LRP1: variants seen among roughly 807,000 people sequenced by gnomAD.
The protein encoded by LRP1 is LDL receptor related protein 1, also known as prolow-density lipoprotein receptor-related protein 1.
Under a neutral mutation model 541.5 loss-of-function variants are expected in LRP1, and 51 were observed. That is an observed-to-expected ratio of 0.09 (90% CI 0.08 to 0.12). The LOEUF (loss-of-function observed/expected upper bound fraction) is 0.12, where lower values mean the gene tolerates loss of function less well. LRP1 is among the 10% of genes least tolerant of loss of function. The probability of loss-of-function intolerance (pLI) is 1.00; values close to 1 mark genes in which losing one functional copy is unlikely to be tolerated. For synonymous variants in LRP1, 2,219 were observed against 2,470.8 expected, an observed-to-expected ratio of 0.90 and a Z score of 3.02; for missense variants, 3,878 against 6,376.2, an observed-to-expected ratio of 0.61 and a Z score of 13.34.
intron 1 of LRP1, among the ~76,000 whole-genome samples, chr12:57,136,397 C>CA (rs1052109209): frequency 3.0e-5 from 3 of 99,148 alleles, no homozygotes; most frequent in Admixed American, 9.2e-5. Context: ...TCCTAAGAGC[C>CA]CCCCCCCCCC....
Position 57,185,207 on chromosome 12 carries a change from T to TGA in LRP1, c.6463+4_6463+5dup, listed in dbSNP as rs1257157640. Reference sequence around the variant, plus strand: ...TCTTCAACCGGGACCGGCAGAAAGGTGAGGCTGGGGCTCTGGGCTGGGGTG... The same window carrying TGA: ...TCTTCAACCGGGACCGGCAGAAAGGTGAGAGGCTGGGGCTCTGGGCTGGGGTG... On this transcript the variant is annotated splice_region_variant and intron_variant, in intron 40 of 88. Coordinates refer to ENST00000243077, the MANE Select transcript of LRP1 (RefSeq NM_002332.3). The surrounding 1 kb of genome is among the most constrained non-coding windows in gnomAD (Gnocchi z 4.9). 2.5e-6 allele frequency: 4 copies of TGA among 1,613,742 alleles called. No individual in the cohort carries two copies. Among genetic ancestry groups the TGA allele is most frequent in the Middle Eastern group, 1.6e-4 (1 of 6,062 alleles).
In LRP1 at chr12:57,184,253, T is replaced by C. The variant is rs201830166; in HGVS notation, c.6059+39T>C. ...AAGACTGGCCTTGTCATTCTGCCCA[T>C]GGCCCATGCTGATGAGGCCCTGTCT... On this transcript the variant is annotated intron_variant, in intron 37 of 88. Transcript: ENST00000243077. The surrounding 1 kb of genome is among the most constrained non-coding windows in gnomAD (Gnocchi z 7.8). The C allele has an allele frequency of 8.8e-5, 142 of 1,613,662 alleles. No homozygotes were observed. The African/African-American group carries it at 1.8e-3, about 21-fold the overall frequency.
chr12:57,198,773 G>A (rs1178747258), intron 60 of LRP1, 103 bp downstream of exon 60: 1 of 1,203,408 alleles, frequency 8.3e-7, no homozygotes, highest in Admixed American at 2.0e-5. Flanking sequence ...GACATAAAAA[G>A]CGGAGGATAT....
rs770745934 is a variant in LRP1 at position 57,165,985 on chromosome 12, C to T, written c.2671+40C>T. On this transcript the variant is annotated intron_variant, in intron 16 of 88. Coordinates refer to ENST00000243077, the MANE Select transcript of LRP1 (RefSeq NM_002332.3). The surrounding 1 kb of genome is among the most constrained non-coding windows in gnomAD (Gnocchi z 4.5). ...CTGCCCCACCCTGTTGGATGGCAGG[C>T]CTGCAGGGCAGCTCGGCTCTGGCAG... The T allele has an allele frequency of 6.2e-7, 1 of 1,612,312 alleles. No homozygotes were observed. Among genetic ancestry groups the T allele is most frequent in the South Asian group, 1.1e-5 (1 of 91,054 alleles).
In LRP1 at chr12:57,185,952, C is replaced by T. The variant is rs147877951; in HGVS notation, c.6841+44C>T. 57 of 1,577,994 alleles carry T rather than the reference C, an allele frequency of 3.6e-5. No individual in the cohort carries two copies. The highest frequency in any genetic ancestry group is 2.7e-4 in the South Asian group (23 of 84,398). On this transcript the variant is annotated intron_variant, in intron 41 of 88. Transcript: ENST00000243077. The surrounding 1 kb of genome is among the most constrained non-coding windows in gnomAD (Gnocchi z 4.9). ...TCTTCCCAGGAAGTGGGACATGGGG[C>T]GGGGAGCAGCACAGACTCTTAGACC...
chr12:57,197,801 C>A lies in LRP1; in HGVS notation c.9282+137C>A. On this transcript the variant is annotated intron_variant, in intron 58 of 88. Transcript: ENST00000243077. This position sits in a 1 kb window ranked among gnomAD's most constrained non-coding sequence, Gnocchi z 4.5. ...GTCACTATATGACTGCTTGTTCTAG[C>A]TGCTCACTCTCCTCTGGGCCCAGAC... 1.0e-6 allele frequency: 1 copy of A among 997,758 alleles called. No homozygotes were observed. The highest frequency in any genetic ancestry group is 1.4e-6 in the Non-Finnish European group (1 of 691,700). The allele number at this position is 997,758 out of a possible 1,614,324, so 61.8% of individuals were successfully genotyped here.
chr12:57,196,060 T>C, intron 54 of LRP1, 27 bp from the exon 55 acceptor site: 1 of 1,610,332 alleles, frequency 6.2e-7, no homozygotes. Flanking sequence ...GAGACCCCGC[T>C]GACCTGCCGC....
chr12:57,146,892 C>T (rs2035420156), intron 6 of LRP1, among the ~76,000 whole-genome samples: 1 of 152,138 alleles, frequency 6.6e-6, no homozygotes, highest in African/African-American at 2.4e-5. Context: ...GTCCACTGAC[C>T]TACTCAACAG....
At chr12:57,170,503 A>T (rs1228504909) in intron 20 of LRP1, among the ~76,000 whole-genome samples, 2 of 151,890 alleles carry the variant, frequency 1.3e-5, no homozygotes, top group Non-Finnish European at 2.9e-5. Flanking sequence ...ACATAGGGAG[A>T]ACCCATCTTG....
At chr12:57,138,705 G>C in intron 2 of LRP1, 124 bp downstream of exon 2, 2 of 1,349,482 alleles carry the variant, frequency 1.5e-6, no homozygotes, top group South Asian at 2.8e-5. Context: ...GATTGTATTT[G>C]TCCATGACAC....
At position 57,200,690 on chromosome 12, in the gene LRP1, C is replaced by T. The variant is rs1322381988; in HGVS notation, c.10109-9C>T. The T allele has an allele frequency of 1.9e-6, 3 of 1,611,446 alleles. No individual in the cohort carries two copies. The highest frequency in any genetic ancestry group is 4.5e-5 in the East Asian group (2 of 44,878). On this transcript the variant is annotated splice_polypyrimidine_tract_variant and intron_variant, in intron 63 of 88. Coordinates refer to ENST00000243077, the MANE Select transcript of LRP1 (RefSeq NM_002332.3). The stretch of plus-strand genomic sequence containing the variant: ...AGCCGCTCTGACTCTGAGCCTCCCT[C>T]TCTGGCAGCTGAGTTCAAGTGCCGG...
intron 41 of LRP1, 113 bp from the exon 42 acceptor site, chr12:57,187,154 C>T: frequency 9.1e-7 from 1 of 1,094,682 alleles, no homozygotes; most frequent in East Asian, 2.6e-5. Context: ...CTCCCATACC[C>T]CACACTTCGC....
rs571661266 is a variant in LRP1 at position 57,184,894 on chromosome 12, T to C, written c.6242T>C (p.Leu2081Pro). 17 of 1,614,166 alleles carry C rather than the reference T, an allele frequency of 1.1e-5. No individual in the cohort carries two copies. The highest frequency in any genetic ancestry group is 1.6e-4 in the Middle Eastern group (1 of 6,062). ...ARTDKIERIDLETGENREVVL... is the reference protein window; with the variant it reads ...ARTDKIERIDPETGENREVVL... ...ACAGACAAGATTGAACGGATCGACC[T>C]GGAGACAGGTGAGAACCGCGAGGTG... Residue 2081 changes from leucine to proline, a missense_variant, in exon 39 of 89, where the codon CTG becomes CCG. By Grantham distance (98) the Leu-to-Pro change is moderately conservative (BLOSUM62 -3). Coordinates refer to ENST00000243077, the MANE Select transcript of LRP1 (RefSeq NM_002332.3). The surrounding 1 kb of genome is among the most constrained non-coding windows in gnomAD (Gnocchi z 7.8).
In LRP1 at chr12:57,156,310, A is replaced by G; in HGVS notation, c.1417+27A>G. ...TGAGCAGGGCTCCATGGCCCCTCCA[A>G]AGCTGGCTTTACCCCATGATGGCTC... On this transcript the variant is annotated intron_variant, in intron 9 of 88. Transcript: ENST00000243077. This position sits in a 1 kb window ranked among gnomAD's most constrained non-coding sequence, Gnocchi z 5.2. The G allele has an allele frequency of 6.2e-7, 1 of 1,610,614 alleles. No homozygotes were observed. Among genetic ancestry groups the G allele is most frequent in the Non-Finnish European group, 8.5e-7 (1 of 1,178,270 alleles).
intron 22 of LRP1, among the ~76,000 whole-genome samples, chr12:57,174,183 G>A (rs1466244819): frequency 6.6e-6 from 1 of 152,220 alleles, no homozygotes; most frequent in African/African-American, 2.4e-5. Context: ...CATTAGAGCA[G>A]TTTATCCACA....
chr12:57,191,310 G>T lies in LRP1; in HGVS notation c.7237-10G>T, dbSNP rs753396039. 23 of 1,587,250 alleles carry T rather than the reference G, an allele frequency of 1.4e-5. No homozygotes were observed. Among genetic ancestry groups the T allele is most frequent in the Non-Finnish European group, 2.0e-5 (23 of 1,160,840 alleles). Reference sequence around the variant, plus strand: ...GCGATGCTGTGACGGTGATGGTGCTGTCTCCACAGGTGATCCTAAAGTCAG... The same window carrying T: ...GCGATGCTGTGACGGTGATGGTGCTTTCTCCACAGGTGATCCTAAAGTCAG... On this transcript the variant is annotated splice_polypyrimidine_tract_variant and intron_variant, in intron 43 of 88. Transcript: ENST00000243077.
Position 57,173,728 on chromosome 12 carries a change from G to A in LRP1, c.3347-52G>A. ...CCCACAGGGTCTGGAAGGAAGGGCAGGGGGAGCCCCAGTCCCCGGGCCTGG... is the reference window on the plus strand; with the variant it reads ...CCCACAGGGTCTGGAAGGAAGGGCAAGGGGAGCCCCAGTCCCCGGGCCTGG... On this transcript the variant is annotated intron_variant, in intron 21 of 88. Transcript: ENST00000243077. This position sits in a 1 kb window ranked among gnomAD's most constrained non-coding sequence, Gnocchi z 4.7. 5 of 1,585,086 alleles carry A rather than the reference G, an allele frequency of 3.2e-6. No homozygotes were observed. In the South Asian group the frequency reaches 5.5e-5, roughly 18 times the overall value.
chr12:57,169,514 T>C (rs575614683), intron 20 of LRP1, among the ~76,000 whole-genome samples: 1 of 152,300 alleles, frequency 6.6e-6, no homozygotes, highest in East Asian at 1.9e-4. Flanking sequence ...GCTGTTAATA[T>C]CATGCGCTTT....
chr12:57,208,358 C>G, intron 77 of LRP1, 142 bp downstream of exon 77: 3 of 894,178 alleles, frequency 3.4e-6, no homozygotes, highest in Non-Finnish European at 1.7e-6. Flanking sequence ...TGGGTCTTCT[C>G]GGCCACCCCT....
Sources: allele counts gnomAD v4.1 joint callset (sites outside exome capture counted in the v4.1 genomes callset), GRCh38; gene constraint gnomAD v4.1.1; non-coding constraint Gnocchi (gnomAD v3.1); transcripts MANE v1.5; gene names NCBI Gene and HGNC (gene_info 2026-07-23, HGNC 2026-07-21).